TEC: variants seen among roughly 807,000 people sequenced by gnomAD.
The protein encoded by TEC is tyrosine-protein kinase Tec.
A neutral mutation model predicts 93.0 loss-of-function variants in TEC; 72 were observed. The observed-to-expected ratio is 0.77, with a 90% CI of 0.64 to 0.94. TEC has a LOEUF of 0.94. TEC is among the 40% of genes least tolerant of loss of function. The probability of loss-of-function intolerance (pLI) is 0.00; values close to 1 mark genes in which losing one functional copy is unlikely to be tolerated. For synonymous variants in TEC, 249 were observed against 247.7 expected (o/e 1.01, Z -0.05); for missense variants, 630 against 757.9 (o/e 0.83, Z 1.98).
intron 9 of TEC, 45 bp from the exon 10 acceptor site, chr4:48,150,987 A>G (rs770766429): frequency 8.1e-7 from 1 of 1,229,188 alleles, no homozygotes; most frequent in South Asian, 1.4e-5. Context: ...CTAATTACTA[A>G]TAGCATTGCC....
intron 8 of TEC, among the ~76,000 whole-genome samples, chr4:48,161,897 C>A (rs1208167693): frequency 1.3e-5 from 2 of 152,174 alleles, no homozygotes; most frequent in East Asian, 3.8e-4. Flanking sequence ...GTACTGGATG[C>A]TTCCTGCCCT....
intron 9 of TEC, among the ~76,000 whole-genome samples, chr4:48,156,299 T>G (rs574730831): frequency 6.6e-6 from 1 of 152,214 alleles, no homozygotes; most frequent in Non-Finnish European, 1.5e-5. Flanking sequence ...TAAACAATGC[T>G]TTCATAAAGA....
intron 2 of TEC, among the ~76,000 whole-genome samples, chr4:48,176,594 C>T (rs968023487): frequency 6.6e-6 from 1 of 152,038 alleles, no homozygotes; most frequent in African/African-American, 2.4e-5. Flanking sequence ...TGGTGCTGTG[C>T]GCCTGTAATC....
chr4:48,169,755 T>C (rs553705161), intron 5 of TEC, among the ~76,000 whole-genome samples: 15 of 152,342 alleles, frequency 9.8e-5, no homozygotes, highest in African/African-American at 3.6e-4. Flanking sequence ...GTTTTAGGTG[T>C]CAAAATTAAC....
chr4:48,181,176 G>A (rs1416466988), intron 2 of TEC, among the ~76,000 whole-genome samples: 1 of 152,124 alleles, frequency 6.6e-6, no homozygotes, highest in Non-Finnish European at 1.5e-5. Flanking sequence ...TGAACAACCA[G>A]GTGAAAGTTA....
intron 9 of TEC, among the ~76,000 whole-genome samples, chr4:48,153,195 T>C (rs2109520260): frequency 6.6e-6 from 1 of 151,916 alleles, no homozygotes; most frequent in South Asian, 2.1e-4. Flanking sequence ...CAATGTAAAT[T>C]ATTTTAAAAT....
chr4:48,148,280 T>TG (rs942506260), intron 11 of TEC, among the ~76,000 whole-genome samples: 33 of 152,268 alleles, frequency 2.2e-4, no homozygotes, highest in African/African-American at 7.9e-4. Flanking sequence ...TATTATTATC[T>TG]GAAAAAAAAG....
intron 2 of TEC, among the ~76,000 whole-genome samples, chr4:48,202,357 G>A (rs1333723220): frequency 6.6e-6 from 1 of 152,080 alleles, no homozygotes; most frequent in African/African-American, 2.4e-5. Context: ...CTTGAGGTCA[G>A]GAGTTTGAGA....
At position 48,138,708 on chromosome 4, in the gene TEC, G is replaced by A. The variant is rs761695684; in HGVS notation, c.1769C>T (p.Ala590Val). The A allele has an allele frequency of 6.8e-6, 11 of 1,613,970 alleles. No homozygotes were observed. The highest frequency in any genetic ancestry group is 1.1e-5 in the South Asian group (1 of 91,046). The change falls in exon 17 of 18, where the codon GCG becomes GTG. Residue 590 changes from alanine to valine, a missense_variant. By Grantham distance (64) the Ala-to-Val change is moderately conservative. This residue lies in a region of TEC where 289 missense variants were observed against 390.0 expected (regional missense o/e 0.74). Coordinates refer to ENST00000381501, the MANE Select transcript of TEC (RefSeq NM_003215.3). ...RGHRLYQPKL[A>V]SNYVYEVMLR... is the part of the protein sequence containing the mutation. The stretch of plus-strand genomic sequence containing the variant: ...CATCACCTCATACACATAGTTGGAC[G>A]CCAACTTCGGCTGGTAGAGTCGGTG...
intron 1 of TEC, among the ~76,000 whole-genome samples, chr4:48,260,327 T>C (rs1377395042): frequency 6.6e-6 from 1 of 152,162 alleles, no homozygotes. Flanking sequence ...CTCACACCTG[T>C]AATCCTAGAA....
intron 1 of TEC, among the ~76,000 whole-genome samples, chr4:48,267,075 A>C (rs1724658735): frequency 6.6e-6 from 1 of 152,252 alleles, no homozygotes; most frequent in Non-Finnish European, 1.5e-5. Flanking sequence ...CAAATGGCAA[A>C]GAATTACAAG....
chr4:48,229,735 A>G (rs1266787173), intron 1 of TEC, among the ~76,000 whole-genome samples: 1 of 150,404 alleles, frequency 6.6e-6, no homozygotes, highest in Non-Finnish European at 1.5e-5. Context: ...AGACAGCACC[A>G]CTGCACTCCA....
intron 1 of TEC, among the ~76,000 whole-genome samples, chr4:48,261,227 C>CA (rs1434676462): frequency 6.6e-6 from 1 of 152,170 alleles, no homozygotes; most frequent in East Asian, 1.9e-4. Flanking sequence ...TAAAAAAATT[C>CA]AAAAGCATGT....
chr4:48,176,270 G>A (rs1315756932), intron 2 of TEC, 84 bp from the exon 3 acceptor site: 2 of 1,002,344 alleles, frequency 2.0e-6, no homozygotes, highest in African/African-American at 3.2e-5. Flanking sequence ...ATTTTGCTCT[G>A]ATTCAAAATA....
chr4:48,169,291 C>A (rs761357267), intron 5 of TEC, among the ~76,000 whole-genome samples: 4 of 152,054 alleles, frequency 2.6e-5, no homozygotes, highest in Admixed American at 6.6e-5. Flanking sequence ...AAATAAATTT[C>A]TCTCTAGTTT....
At chr4:48,207,090 A>C (rs1170163181) in intron 2 of TEC, among the ~76,000 whole-genome samples, 1 of 152,222 alleles carries the variant, frequency 6.6e-6, no homozygotes, top group South Asian at 2.1e-4. Context: ...CTATGCCTTA[A>C]AGAATGTGTA....
At chr4:48,165,662 AAC>A (rs1266201310) in intron 7 of TEC, among the ~76,000 whole-genome samples, 1 of 152,192 alleles carries the variant, frequency 6.6e-6, no homozygotes, top group African/African-American at 2.4e-5. Context: ...AAATACAAGA[AAC>A]ACAGGCATAT....
chr4:48,255,073 A>G (rs1724304855), intron 1 of TEC, among the ~76,000 whole-genome samples: 1 of 152,224 alleles, frequency 6.6e-6, no homozygotes, highest in African/African-American at 2.4e-5. Flanking sequence ...TTTCAAATGC[A>G]CATAATTAGA....
At chr4:48,217,509 G>A (rs1723121367) in intron 2 of TEC, among the ~76,000 whole-genome samples, 1 of 152,158 alleles carries the variant, frequency 6.6e-6, no homozygotes, top group Non-Finnish European at 1.5e-5. Context: ...GAAAGTAGGA[G>A]AATAGACTAC....
Sources: allele counts gnomAD v4.1 joint callset (sites outside exome capture counted in the v4.1 genomes callset), GRCh38; gene constraint gnomAD v4.1.1; regional missense constraint gnomAD v4.1.1; transcripts MANE v1.5; gene names NCBI Gene and HGNC (gene_info 2026-07-23, HGNC 2026-07-21).